Variants in HSPG2 observed in about 807,000 individuals in gnomAD.
HSPG2 encodes the protein heparan sulfate proteoglycan 2, also known as basement membrane-specific heparan sulfate proteoglycan core protein.
A neutral mutation model predicts 526.6 loss-of-function variants in HSPG2; 278 were observed. The observed-to-expected ratio is 0.53, with a 90% CI of 0.48 to 0.58. The LOEUF is 0.58. Among genes scored for constraint, HSPG2 ranks in the 20% least tolerant of loss-of-function variants. The probability of loss-of-function intolerance (pLI) is 0.00; values close to 1 mark genes in which losing one functional copy is unlikely to be tolerated. For missense variants in HSPG2, 5,354 were observed against 6,099.5 expected, an observed-to-expected ratio of 0.88 and a Z score of 4.07; for synonymous variants, 2,465 against 2,555.4, an observed-to-expected ratio of 0.96 and a Z score of 1.07.
Position 21,873,421 on chromosome 1 carries a change from G to T in HSPG2, c.3747C>A (p.Cys1249Ter). 1 of 1,614,132 alleles carries T rather than the reference G, an allele frequency of 6.2e-7. No homozygotes were observed. The highest frequency in any genetic ancestry group is 8.5e-7 in the Non-Finnish European group (1 of 1,180,000). The part of the protein sequence containing the change: ...PGHSGRHCER[C>*]APGYYGNPSQ... ...TGGGGTTGCCATAGTAGCCAGGGGC[G>T]CACCTGCAGAGAGAAAAAGCCTCTG... Residue 1249 changes from cysteine (C) to a stop codon, truncating the protein, a stop_gained, in exon 30 of 97, where the codon TGC becomes TGA. Transcript: ENST00000374695. LOFTEE classifies it high-confidence loss of function.
intron 1 of HSPG2, among the ~76,000 whole-genome samples, chr1:21,903,725 G>C (rs1643220875): frequency 6.6e-6 from 1 of 152,242 alleles, no homozygotes; most frequent in Non-Finnish European, 1.5e-5. Flanking sequence ...CTCTTTGAGA[G>C]GCACAGTCCC....
chr1:21,842,729 C>A (rs74060195), intron 67 of HSPG2, 41 bp downstream of exon 67: 3 of 1,611,654 alleles, frequency 1.9e-6, no homozygotes, highest in Non-Finnish European at 2.5e-6. Context: ...GCAGGTCTAA[C>A]CTTGCCTGAC....
chr1:21,872,366 G>T lies in HSPG2; in HGVS notation c.4041C>A (p.His1347Gln), dbSNP rs796608458. The change falls in exon 33 of 97, where the codon CAC becomes CAA. Residue 1347 changes from histidine to glutamine, a missense_variant. Physicochemically the swap from His to Gln is conservative, Grantham distance 24. Transcript: ENST00000374695. The surrounding 1 kb of genome is among the most constrained non-coding windows in gnomAD (Gnocchi z 5.5). ...AGCCTTGGAAGTCCCCAGGGGCAAA[G>T]TGGGTGGAGATCTGGCAGGGGAAAA... ...SAYTRHLISTHFAPGDFQGFA... is the reference protein window; with the variant it reads ...SAYTRHLISTQFAPGDFQGFA... 1 of 1,572,996 alleles carries T rather than the reference G, an allele frequency of 6.4e-7. No individual in the cohort carries two copies. Among genetic ancestry groups the T allele is most frequent in the East Asian group, 2.3e-5 (1 of 42,702 alleles).
rs2098015473 is a variant in HSPG2 at position 21,833,918 on chromosome 1, G to C, written c.10728C>G (p.Pro3576=). The part of the protein sequence containing the change: ...SHVLLLVQAL[P]QISMPQEVRV... ...GGACTTCTTGGGGCATTGAGATCTG[G>C]GGCAAGGCTGAGAGGCATGGAAGAG... The change falls in exon 78 of 97, where the codon CCC becomes CCG. Residue 3576 remains proline (P), a synonymous_variant. Coordinates refer to ENST00000374695, the MANE Select transcript of HSPG2 (RefSeq NM_005529.7). The C allele has an allele frequency of 3.2e-6, 5 of 1,583,604 alleles. No homozygotes were observed. Among genetic ancestry groups the C allele is most frequent in the Non-Finnish European group, 3.4e-6 (4 of 1,164,206 alleles).
intron 78 of HSPG2, 76 bp downstream of exon 78, chr1:21,833,740 C>A (rs1420007890): frequency 6.5e-7 from 1 of 1,530,248 alleles, no homozygotes; most frequent in African/African-American, 1.4e-5. Flanking sequence ...TGTGCCACAT[C>A]CTGGGGACAC....
In HSPG2 at chr1:21,842,356, G is replaced by T; in HGVS notation, c.8935C>A (p.His2979Asn). Residue 2979 changes from histidine to asparagine, a missense_variant, in exon 68 of 97, where the codon CAC (histidine) becomes AAC (asparagine). His to Asn is a moderately conservative substitution (Grantham distance 68). Coordinates refer to ENST00000374695, the MANE Select transcript of HSPG2 (RefSeq NM_005529.7). Reference protein sequence around the residue: ...HQTHGSQLRLHLVSPADSGEY... With the variant: ...HQTHGSQLRLNLVSPADSGEY... The stretch of plus-strand genomic sequence containing the variant: ...CCTGAGTCGGCAGGGGAGACGAGGT[G>T]GAGCCGCAGCTGGGAGCCATGGGTC... 1 of 1,609,680 alleles carries T rather than the reference G, an allele frequency of 6.2e-7. No homozygotes were observed. Among genetic ancestry groups the T allele is most frequent in the Non-Finnish European group, 8.5e-7 (1 of 1,177,580 alleles).
At position 21,824,549 on chromosome 1, in the gene HSPG2, G is replaced by A; in HGVS notation, c.12732C>T (p.Leu4244=). ...VRTSTASGLL[L]WQGVEVGEAG... ...TACCCACACTCACCACACCCTGCCA[G>A]AGCAGGAGGCCACTGGCTGTGCTGG... Residue 4244 remains leucine (L), a synonymous_variant, in exon 93 of 97, where the codon CTC becomes CTT. Coordinates refer to ENST00000374695, the MANE Select transcript of HSPG2 (RefSeq NM_005529.7). The surrounding 1 kb of genome is among the most constrained non-coding windows in gnomAD (Gnocchi z 5.9). 1 of 1,613,676 alleles carries A rather than the reference G, an allele frequency of 6.2e-7. No homozygotes were observed. The highest frequency in any genetic ancestry group is 8.5e-7 in the Non-Finnish European group (1 of 1,180,008).
At chr1:21,854,149 G>C in intron 50 of HSPG2, 44 bp downstream of exon 50, 2 of 1,527,774 alleles carry the variant, frequency 1.3e-6, no homozygotes, top group East Asian at 4.9e-5. Context: ...TTCCTTGGGA[G>C]CTCCTAGGGC....
chr1:21,827,819 T>G, intron 91 of HSPG2, 44 bp downstream of exon 91: 1 of 1,548,422 alleles, frequency 6.5e-7, no homozygotes, highest in Non-Finnish European at 8.7e-7. Context: ...ACTGGAAGAG[T>G]GAGCTGAGCT....
chr1:21,867,949 C>CA (rs1257161534), intron 33 of HSPG2, among the ~76,000 whole-genome samples: 3 of 151,990 alleles, frequency 2.0e-5, no homozygotes, highest in Admixed American at 6.6e-5. Flanking sequence ...AGGCTGGTCT[C>CA]AAACTCCTGT....
At position 21,831,136 on chromosome 1, in the gene HSPG2, C is replaced by G. The variant is rs368577867; in HGVS notation, c.11563-46G>C. ...GTAAGGCCGAGAACATTCAGTACCC[C>G]CCATAATCCCCACAGGGGCCAGCCA... is the stretch of plus-strand genomic sequence containing the variant. On this transcript the variant is annotated intron_variant, in intron 84 of 96. Coordinates refer to ENST00000374695, the MANE Select transcript of HSPG2 (RefSeq NM_005529.7). The G allele has an allele frequency of 5.5e-5, 88 of 1,604,218 alleles. No homozygotes were observed. The African/African-American group carries it at 1.1e-3, about 20-fold the overall frequency.
intron 21 of HSPG2, among the ~76,000 whole-genome samples, chr1:21,877,096 G>A (rs1249366768): frequency 1.4e-5 from 2 of 146,118 alleles, no homozygotes; most frequent in African/African-American, 2.5e-5. Flanking sequence ...AGAAAAGAAA[G>A]AGCACATGTA....
chr1:21,926,571 G>C (rs1376635819), intron 1 of HSPG2, among the ~76,000 whole-genome samples: 1 of 151,978 alleles, frequency 6.6e-6, no homozygotes, highest in Non-Finnish European at 1.5e-5. Context: ...TGGCCAACCT[G>C]GTGAAAGCCT....
At chr1:21,888,657 T>C (rs1421155657) in intron 6 of HSPG2, 1 of 1,364,412 alleles carries the variant, frequency 7.3e-7, no homozygotes, top group Non-Finnish European at 9.8e-7. Flanking sequence ...CGGCCTGGCT[T>C]ACACTCTCAC....
chr1:21,864,893 C>T lies in HSPG2; in HGVS notation c.4576G>A (p.Glu1526Lys), dbSNP rs767254154. 3.0e-5 allele frequency: 48 copies of T among 1,610,504 alleles called. No individual in the cohort carries two copies. Among genetic ancestry groups the T allele is most frequent in the South Asian group, 4.4e-5 (4 of 90,752 alleles). Residue 1526 changes from glutamate (E) to lysine (K), a missense_variant, in exon 36 of 97, where the codon GAG becomes AAG. Physicochemically the swap from Glu to Lys is moderately conservative, Grantham distance 56. Transcript: ENST00000374695. This position sits in a 1 kb window ranked among gnomAD's most constrained non-coding sequence, Gnocchi z 4.8. The part of the protein sequence containing the change: ...PGPSNRPRAL[E>K]VEECRCPPGY... ...GGCGGGCAGCGGCACTCCTCCACCT[C>T]GAGGGCGCGGGGTCTGTTTGAGGGC...
rs1640028927 is a variant in HSPG2, at chr1:21,864,012, C to T, written c.4740+88G>A. The T allele has an allele frequency of 9.5e-7, 1 of 1,050,860 alleles. No homozygotes were observed. Among genetic ancestry groups the T allele is most frequent in the African/African-American group, 1.6e-5 (1 of 63,410 alleles). The allele number at this position is 1,050,860 out of a possible 1,614,324, so 65.1% of individuals were successfully genotyped here. On this transcript the variant is annotated intron_variant, in intron 37 of 96. Transcript: ENST00000374695. This position sits in a 1 kb window ranked among gnomAD's most constrained non-coding sequence, Gnocchi z 4.8. ...GGCCATGCCCCATGATCCTGATCCC[C>T]TGGATTGATGCCTGCCTTGTCCAGC...
At chr1:21,888,255 G>A (rs1229716768) in intron 6 of HSPG2, among the ~76,000 whole-genome samples, 189 bp from the exon 7 acceptor site, 1 of 152,208 alleles carries the variant, frequency 6.6e-6, no homozygotes, top group African/African-American at 2.4e-5. Flanking sequence ...GGGACATGCG[G>A]CAGTGGCCTC....
chr1:21,860,348 C>T (rs966422052), intron 39 of HSPG2, 113 bp from the exon 40 acceptor site: 10 of 957,480 alleles, frequency 1.0e-5, no homozygotes, highest in South Asian at 6.2e-5. Flanking sequence ...TGAGGAGGCT[C>T]GGAGCTCTGG....
intron 1 of HSPG2, among the ~76,000 whole-genome samples, chr1:21,909,890 C>T (rs994461931): frequency 6.6e-6 from 1 of 152,374 alleles, no homozygotes; most frequent in South Asian, 2.1e-4. Context: ...CACAAAGAGG[C>T]ACCTTCAGTC....
Sources: gnomAD v4.1 joint callset for allele counts (sites outside exome capture counted in the v4.1 genomes callset) on GRCh38, gnomAD v4.1.1 for gene constraint, Gnocchi (gnomAD v3.1) non-coding constraint, MANE v1.5 for transcripts, NCBI Gene and HGNC (gene_info 2026-07-23, HGNC 2026-07-21) for gene names.